Variants in FOXP2 observed in about 807,000 individuals in gnomAD.
FOXP2 encodes the protein forkhead box P2.
Under a neutral mutation model 115.8 loss-of-function variants are expected in FOXP2, and 12 were observed. That is an observed-to-expected ratio of 0.10 (90% CI 0.07 to 0.17). The LOEUF is 0.17. Among genes scored for constraint, FOXP2 ranks in the 10% least tolerant of loss-of-function variants. FOXP2 has a pLI of 1.00. For missense variants in FOXP2, 629 were observed against 843.5 expected (o/e 0.75, Z 3.15); for synonymous variants, 328 against 297.7 (o/e 1.10, Z -1.05).
intron 3 of FOXP2, among the ~76,000 whole-genome samples, chr7:114,611,897 G>A (rs1226115356): frequency 6.6e-6 from 1 of 152,158 alleles, no homozygotes; most frequent in Non-Finnish European, 1.5e-5. Flanking sequence ...GAGAGTGGGA[G>A]AGGGATTAAG....
chr7:114,384,729 G>A (rs892130189), intron 2 of FOXP2, among the ~76,000 whole-genome samples: 10 of 151,880 alleles, frequency 6.6e-5, no homozygotes, highest in Admixed American at 5.9e-4. Context: ...GAGTTAGTAA[G>A]CTACCTTTTT....
chr7:114,453,933 A>G (rs1260929218), intron 2 of FOXP2, among the ~76,000 whole-genome samples: 2 of 152,122 alleles, frequency 1.3e-5, no homozygotes, highest in Non-Finnish European at 2.9e-5. Flanking sequence ...AAACCTAGGC[A>G]TTACCATTCA....
chr7:114,386,108 C>G (rs552325611), intron 2 of FOXP2, among the ~76,000 whole-genome samples: 1 of 152,182 alleles, frequency 6.6e-6, no homozygotes, highest in Non-Finnish European at 1.5e-5. Context: ...AGGAGCTCAG[C>G]GGACACCCTG....
At chr7:114,546,437 A>T (rs1296249069) in intron 3 of FOXP2, among the ~76,000 whole-genome samples, 1 of 152,230 alleles carries the variant, frequency 6.6e-6, no homozygotes, top group Non-Finnish European at 1.5e-5. Flanking sequence ...CTCTCCAAAC[A>T]TACTATTTAT....
intron 2 of FOXP2, among the ~76,000 whole-genome samples, chr7:114,480,570 T>C (rs942787191): frequency 6.7e-6 from 1 of 150,276 alleles, no homozygotes; most frequent in Non-Finnish European, 1.5e-5. Flanking sequence ...CATATACATG[T>C]AAATATATGT....
chr7:114,654,350 G>A (rs936146), intron 10 of FOXP2, among the ~76,000 whole-genome samples: 3 of 151,812 alleles, frequency 2.0e-5, no homozygotes, highest in Non-Finnish European at 4.4e-5. Flanking sequence ...AAGTAGTAAC[G>A]TACAAATCAC....
At chr7:114,657,837 T>A (rs1017008477) in intron 10 of FOXP2, among the ~76,000 whole-genome samples, 10 of 152,140 alleles carry the variant, frequency 6.6e-5, no homozygotes, top group Admixed American at 1.3e-4. Context: ...AAGGAGTTAG[T>A]CCTAAGTAAC....
At chr7:114,366,020 A>G (rs1002628408) in intron 2 of FOXP2, among the ~76,000 whole-genome samples, 5 of 152,136 alleles carry the variant, frequency 3.3e-5, no homozygotes, top group African/African-American at 4.8e-5. Context: ...TGACAATACA[A>G]TCATTTAAAA....
At chr7:114,564,367 C>T (rs1244812484) in intron 3 of FOXP2, among the ~76,000 whole-genome samples, 2 of 152,074 alleles carry the variant, frequency 1.3e-5, no homozygotes, top group African/African-American at 4.8e-5. Flanking sequence ...GCATTTCTCT[C>T]TAATATGGGG....
chr7:114,498,792 T>C (rs916045562), intron 2 of FOXP2: 12 of 708,934 alleles, frequency 1.7e-5, no homozygotes, highest in Admixed American at 4.2e-5. Context: ...GCAAATAATT[T>C]TTTTGGGGGT....
upstream of FOXP2, chr7:114,162,977 G>C (rs941692638): frequency 6.6e-6 from 1 of 152,048 alleles, no homozygotes; most frequent in African/African-American, 2.4e-5. Flanking sequence ...TTGAAGCTTT[G>C]TCCTGACCTA....
At chr7:114,294,855 AATAAATAAATACATAC>A (rs1453545814) in intron 2 of FOXP2, among the ~76,000 whole-genome samples, 4 of 148,896 alleles carry the variant, frequency 2.7e-5, no homozygotes, top group African/African-American at 1.0e-4. Flanking sequence ...TAAATAAATA[AATAAATAAATACATAC>A]ATACATACAT....
At position 114,098,384 on chromosome 7, in the gene FOXP2, T is replaced by C. The variant is rs139228836; in HGVS notation, c.-247+10546T>C. On this transcript the variant is annotated intron_variant, in intron 1 of 19. Transcript: ENST00000635638. ...TAGTACTGGCCTAAAATCAGACACA[T>C]AGACCAGTGGAACAGAATAGAGAGC... Among the ~76,000 whole-genome samples the C allele has an allele frequency of 2.0e-3, 305 of 152,256 alleles. 3 individuals are homozygous for C. Among genetic ancestry groups the C allele is most frequent in the African/African-American group, 7.0e-3 (289 of 41,550 alleles).
chr7:114,661,377 A>G (rs1806850453), intron 13 of FOXP2, among the ~76,000 whole-genome samples: 1 of 152,118 alleles, frequency 6.6e-6, no homozygotes, highest in South Asian at 2.1e-4. Flanking sequence ...AAAGCTGCCA[A>G]CAACATCTGT....
intron 3 of FOXP2, among the ~76,000 whole-genome samples, chr7:114,559,758 C>T (rs367845733): frequency 2.6e-5 from 4 of 151,724 alleles, no homozygotes; most frequent in Non-Finnish European, 4.4e-5. Flanking sequence ...GCGTGGTGGC[C>T]GGCGCCTGTA....
intron 2 of FOXP2, among the ~76,000 whole-genome samples, chr7:114,496,816 G>A (rs949968297): frequency 1.3e-5 from 2 of 151,968 alleles, no homozygotes; most frequent in Admixed American, 6.6e-5. Context: ...CACTGTTCAG[G>A]TATATATGTA....
intron 2 of FOXP2, among the ~76,000 whole-genome samples, chr7:114,466,829 T>C (rs375733485): frequency 9.7e-4 from 147 of 152,322 alleles, no homozygotes; most frequent in African/African-American, 3.4e-3. Context: ...GGTTTTCTTT[T>C]TGCTTTTCCC....
intron 5 of FOXP2, among the ~76,000 whole-genome samples, chr7:114,630,789 G>T (rs933997495): frequency 1.3e-5 from 2 of 152,050 alleles, no homozygotes; most frequent in Non-Finnish European, 2.9e-5. Flanking sequence ...CACATGACTT[G>T]CTCCATTATG....
intron 3 of FOXP2, among the ~76,000 whole-genome samples, chr7:114,596,651 T>G (rs1310462663): frequency 6.6e-6 from 1 of 152,154 alleles, no homozygotes; most frequent in African/African-American, 2.4e-5. Flanking sequence ...TAATAATTCT[T>G]TTCGGCATCT....
Sources: gnomAD v4.1 joint callset for allele counts (sites outside exome capture counted in the v4.1 genomes callset) on GRCh38, gnomAD v4.1.1 for gene constraint, MANE v1.5 for transcripts, NCBI Gene and HGNC (gene_info 2026-07-23, HGNC 2026-07-21) for gene names.